Variants in RBFOX1 observed in about 807,000 individuals in gnomAD.
RBFOX1 encodes RNA binding fox-1 homolog 1.
In RBFOX1, 8 loss-of-function variants were observed where a neutral mutation model predicts 57.7. The ratio of observed to expected loss-of-function variants is 0.14; its 90% CI spans 0.08 to 0.25. The LOEUF (loss-of-function observed/expected upper bound fraction) is 0.25. Among genes scored for constraint, RBFOX1 ranks in the 10% least tolerant of loss-of-function variants. The pLI is 1.00. For missense variants in RBFOX1, 611 were observed against 548.5 expected, an observed-to-expected ratio of 1.11 and a Z score of -1.14; for synonymous variants, 326 against 222.4, an observed-to-expected ratio of 1.47 and a Z score of -4.15.
At chr16:5,339,150 A>T (rs532781545) in intron 1 of RBFOX1, among the ~76,000 whole-genome samples, 1 of 152,132 alleles carries the variant, frequency 6.6e-6, no homozygotes, top group African/African-American at 2.4e-5. Context: ...TTTGACCAAC[A>T]TCTCCCCAGT....
At chr16:5,685,645 A>G (rs2050482103) in intron 3 of RBFOX1, among the ~76,000 whole-genome samples, 1 of 152,182 alleles carries the variant, frequency 6.6e-6, no homozygotes, top group South Asian at 2.1e-4. Context: ...TTTTTGTGTG[A>G]AAAGGTGAGC....
chr16:6,931,356 CACACACAT>C (rs1264434791), intron 3 of RBFOX1, among the ~76,000 whole-genome samples: 1 of 151,066 alleles, frequency 6.6e-6, no homozygotes, highest in Admixed American at 6.6e-5. Context: ...CACACACACA[CACACACAT>C]ACATACACAT....
intron 4 of RBFOX1, among the ~76,000 whole-genome samples, chr16:7,360,931 T>C (rs2097308359): frequency 6.6e-6 from 1 of 152,208 alleles, no homozygotes; most frequent in Non-Finnish European, 1.5e-5. Flanking sequence ...TCTCATCCAC[T>C]GCGTATGAGT....
At chr16:7,581,275 C>T (rs1306953035) in intron 6 of RBFOX1, among the ~76,000 whole-genome samples, 1 of 152,148 alleles carries the variant, frequency 6.6e-6, no homozygotes. Flanking sequence ...GAGATACCCT[C>T]GGGCACTTTC....
chr16:6,927,535 T>A lies in RBFOX1; in HGVS notation c.-15-124522T>A, dbSNP rs570428480. Reference sequence around the variant, plus strand: ...AGCTCCATGTGAGCAGATATTTCTTTGTTTTGTTTTGTTTTGTTTTTCGTT... The same window carrying A: ...AGCTCCATGTGAGCAGATATTTCTTAGTTTTGTTTTGTTTTGTTTTTCGTT... On this transcript the variant is annotated intron_variant, in intron 3 of 15. Coordinates refer to ENST00000550418, the MANE Select transcript of RBFOX1 (RefSeq NM_018723.4). Among the ~76,000 whole-genome samples, 4 of 151,922 alleles carry A rather than the reference T, an allele frequency of 2.6e-5. No individual in the cohort carries two copies. In the East Asian group the frequency reaches 7.8e-4, roughly 30 times the overall value.
chr16:6,552,671 G>C (rs550519133), intron 2 of RBFOX1, among the ~76,000 whole-genome samples: 21 of 152,154 alleles, frequency 1.4e-4, no homozygotes, highest in Non-Finnish European at 2.6e-4. Context: ...AACAAAATTT[G>C]TATATTCCTT....
intron 2 of RBFOX1, among the ~76,000 whole-genome samples, chr16:6,527,906 A>G (rs916572626): frequency 2.0e-5 from 3 of 151,950 alleles, no homozygotes; most frequent in African/African-American, 4.8e-5. Context: ...TCACGATTCC[A>G]TGCTTTATCC....
chr16:7,707,688 G>T (rs752354184), intron 14 of RBFOX1, among the ~76,000 whole-genome samples: 19 of 152,064 alleles, frequency 1.2e-4, no homozygotes, highest in Non-Finnish European at 2.4e-4. Flanking sequence ...CACTCCTCAG[G>T]AAAGCCCACA....
chr16:7,222,946 T>G (rs2092836192), intron 4 of RBFOX1, among the ~76,000 whole-genome samples: 1 of 152,204 alleles, frequency 6.6e-6, no homozygotes, highest in African/African-American at 2.4e-5. Flanking sequence ...CGATTTTTTT[T>G]TCTTTGAGCG....
intron 4 of RBFOX1, among the ~76,000 whole-genome samples, chr16:7,343,707 G>A (rs998861264): frequency 6.6e-6 from 1 of 152,132 alleles, no homozygotes. Flanking sequence ...ACAGGAGGTG[G>A]TATGGAGTAG....
At chr16:7,056,446 A>G (rs1377103438) in intron 4 of RBFOX1, among the ~76,000 whole-genome samples, 1 of 152,178 alleles carries the variant, frequency 6.6e-6, no homozygotes, top group Non-Finnish European at 1.5e-5. Flanking sequence ...CTGATCCTAT[A>G]GGCTGTATTT....
At chr16:5,551,445 A>G (rs969021397) in intron 2 of RBFOX1, among the ~76,000 whole-genome samples, 2 of 152,158 alleles carry the variant, frequency 1.3e-5, no homozygotes, top group African/African-American at 4.8e-5. Flanking sequence ...TCTTGTTACC[A>G]CTAAATTGTG....
chr16:7,121,519 G>C (rs1455817128), intron 4 of RBFOX1, among the ~76,000 whole-genome samples: 1 of 151,846 alleles, frequency 6.6e-6, no homozygotes, highest in Non-Finnish European at 1.5e-5. Context: ...AAACATATAA[G>C]AGATCTTTAT....
chr16:7,223,515 G>A (rs1000032653), intron 4 of RBFOX1, among the ~76,000 whole-genome samples: 1 of 152,136 alleles, frequency 6.6e-6, no homozygotes, highest in African/African-American at 2.4e-5. Context: ...TTTACCTGTG[G>A]AAGTTACTTA....
chr16:7,683,945 T>C (rs1334692939), intron 14 of RBFOX1, among the ~76,000 whole-genome samples: 1 of 152,218 alleles, frequency 6.6e-6, no homozygotes, highest in Admixed American at 6.5e-5. Flanking sequence ...ATTAAACCGC[T>C]CCACTTTGTT....
intron 4 of RBFOX1, among the ~76,000 whole-genome samples, chr16:7,139,909 AG>A: frequency 6.6e-6 from 1 of 152,184 alleles, no homozygotes; most frequent in African/African-American, 2.4e-5. Flanking sequence ...TTGGCTGTGG[AG>A]GAGGAAGAAG....
intron 2 of RBFOX1, among the ~76,000 whole-genome samples, chr16:6,497,776 C>T (rs1287556749): frequency 2.0e-5 from 3 of 152,012 alleles, no homozygotes; most frequent in Non-Finnish European, 2.9e-5. Context: ...AGGCTGACCT[C>T]GAACTCCTGA....
chr16:5,245,891 G>C (rs1223232649), intron 1 of RBFOX1, among the ~76,000 whole-genome samples: 2 of 152,168 alleles, frequency 1.3e-5, no homozygotes, highest in Non-Finnish European at 2.9e-5. Flanking sequence ...AAACATATTA[G>C]AGAAATTACC....
intron 3 of RBFOX1, among the ~76,000 whole-genome samples, chr16:5,612,332 C>A (rs1420649742): frequency 1.3e-5 from 2 of 151,914 alleles, no homozygotes. Context: ...CACCTATCCA[C>A]CACTCCATCT....
Sources: gnomAD v4.1 joint callset for allele counts (sites outside exome capture counted in the v4.1 genomes callset) on GRCh38, gnomAD v4.1.1 for gene constraint, MANE v1.5 for transcripts, NCBI Gene and HGNC (gene_info 2026-07-23, HGNC 2026-07-21) for gene names.